The following INPP5A variants were observed in gnomAD, a reference collection of about 807,000 sequenced individuals.
INPP5A encodes the protein inositol polyphosphate-5-phosphatase A, also known as 43 kDa inositol polyphosphate 5-phophatase.
INPP5A carries 14 observed loss-of-function variants against 65.2 expected under a neutral mutation model. The observed-to-expected ratio is 0.21, with a 90% confidence interval of 0.14 to 0.34. The LOEUF (loss-of-function observed/expected upper bound fraction) is 0.34. Among genes scored for constraint, INPP5A ranks in the 10% least tolerant of loss-of-function variants. The pLI is 1.00. For missense variants in INPP5A, 431 were observed against 545.6 expected (o/e 0.79, Z 2.09); for synonymous variants, 207 against 208.3 (o/e 0.99, Z 0.05).
chr10:132,585,936 G>T (rs7068803), intron 1 of INPP5A, among the ~76,000 whole-genome samples: 8,016 of 152,326 alleles, frequency 0.053, 294 homozygotes, highest in South Asian at 0.13. Context: ...TGAGGGTGCT[G>T]TGTGTGTCTG....
intron 12 of INPP5A, among the ~76,000 whole-genome samples, chr10:132,766,187 TTGTG>T (rs1846841873): frequency 6.6e-6 from 1 of 152,238 alleles, no homozygotes; most frequent in Admixed American, 6.5e-5. Flanking sequence ...CATAGTGTTT[TTGTG>T]TGTGCACATG....
At chr10:132,584,609 C>G (rs1156827188) in intron 1 of INPP5A, among the ~76,000 whole-genome samples, 1 of 152,158 alleles carries the variant, frequency 6.6e-6, no homozygotes, top group Non-Finnish European at 1.5e-5. Flanking sequence ...GATAACCCCT[C>G]TTTGATTCCT....
At chr10:132,569,208 T>C (rs573846238) in intron 1 of INPP5A, among the ~76,000 whole-genome samples, 1 of 152,338 alleles carries the variant, frequency 6.6e-6, no homozygotes, top group South Asian at 2.1e-4. Flanking sequence ...GTTAAGTTCT[T>C]ATACTTTCTA....
intron 4 of INPP5A, among the ~76,000 whole-genome samples, chr10:132,671,191 T>G (rs1026010312): frequency 2.6e-5 from 4 of 152,200 alleles, no homozygotes; most frequent in Non-Finnish European, 5.9e-5. Context: ...CCCTTCTGAT[T>G]GGGACAGTGG....
intron 5 of INPP5A, among the ~76,000 whole-genome samples, chr10:132,693,136 C>A (rs1845295151): frequency 6.6e-6 from 1 of 152,060 alleles, no homozygotes; most frequent in Admixed American, 6.5e-5. Context: ...CAAACTATGG[C>A]AACCACTAAA....
chr10:132,658,968 A>C (rs1229999130), intron 4 of INPP5A, among the ~76,000 whole-genome samples: 1 of 152,126 alleles, frequency 6.6e-6, no homozygotes, highest in Non-Finnish European at 1.5e-5. Context: ...GGTGCTCAAC[A>C]GGCTGCCTGG....
At chr10:132,776,682 A>G (rs1162972987) in intron 12 of INPP5A, among the ~76,000 whole-genome samples, 1 of 152,162 alleles carries the variant, frequency 6.6e-6, no homozygotes, top group Non-Finnish European at 1.5e-5. Flanking sequence ...CTCCAAGTGG[A>G]ATTCGTTACC....
intron 9 of INPP5A, among the ~76,000 whole-genome samples, chr10:132,730,159 C>G (rs536908268): frequency 6.6e-6 from 1 of 152,386 alleles, no homozygotes; most frequent in South Asian, 2.1e-4. Flanking sequence ...GTCCAGCAGC[C>G]TGGGTCCACC....
At chr10:132,548,725 T>C (rs1374672318) in intron 1 of INPP5A, among the ~76,000 whole-genome samples, 3 of 152,146 alleles carry the variant, frequency 2.0e-5, no homozygotes, top group Admixed American at 1.3e-4. Flanking sequence ...CTGGTTTCTT[T>C]GACTTAGCAT....
Position 132,574,426 on chromosome 10 carries a change from G to C in INPP5A, c.76-33489G>C, listed in dbSNP as rs1362650362. ...GTGTGAGGTTTTGTTGAGATGTTGGGGTGTGTGTGCCGTGTGAGGTTTTGT... is the reference window on the plus strand; with the variant it reads ...GTGTGAGGTTTTGTTGAGATGTTGGCGTGTGTGTGCCGTGTGAGGTTTTGT... On this transcript the variant is annotated intron_variant, in intron 1 of 15. Coordinates refer to ENST00000368594, the MANE Select transcript of INPP5A (RefSeq NM_005539.5). Among the ~76,000 whole-genome samples the C allele has an allele frequency of 2.0e-5, 3 of 151,048 alleles. No homozygotes were observed. In the East Asian group the frequency reaches 5.9e-4, roughly 30 times the overall value.
intron 2 of INPP5A, among the ~76,000 whole-genome samples, chr10:132,636,141 A>G (rs1451092814): frequency 6.7e-6 from 1 of 149,230 alleles, no homozygotes. Flanking sequence ...ATTTCAAAAA[A>G]ATGCTTTATT....
rs2072272167 is a variant in INPP5A at position 132,631,457 on chromosome 10, CTG to C, written c.118-14408_118-14407del. 4.6e-5 allele frequency among the ~76,000 whole-genome samples: 7 copies of C among 152,378 alleles called. No individual in the cohort carries two copies. In the South Asian group the frequency reaches 1.4e-3, roughly 32 times the overall value. On this transcript the variant is annotated intron_variant, in intron 2 of 15. Transcript: ENST00000368594. ...TTTTCCAGGCGTCGTTGGCAAGTAA[CTG>C]TGGCCTTTTTCTATCAAGAAATTCC...
chr10:132,666,513 C>A (rs1229780473), intron 4 of INPP5A, among the ~76,000 whole-genome samples: 1 of 151,996 alleles, frequency 6.6e-6, no homozygotes. Context: ...CACAAAAAAA[C>A]CCCTGTCGGA....
intron 4 of INPP5A, among the ~76,000 whole-genome samples, chr10:132,687,381 C>T (rs1440335676): frequency 6.6e-6 from 1 of 152,230 alleles, no homozygotes; most frequent in Non-Finnish European, 1.5e-5. Context: ...CATGGCCACA[C>T]GCAGCCTTCT....
At chr10:132,646,657 G>A (rs1370822952) in intron 3 of INPP5A, among the ~76,000 whole-genome samples, 5 of 152,222 alleles carry the variant, frequency 3.3e-5, no homozygotes, top group Non-Finnish European at 7.3e-5. Context: ...CCATGTTGGG[G>A]GCTCGTCTCC....
In INPP5A at chr10:132,659,110, T is replaced by C. The variant is rs1174485746; in HGVS notation, c.306+8605T>C. ...AGATGCCTAGGTGGGTCCCCAGCTC[T>C]GCAGGTGCCACTCCCCACGCCAGTG... On this transcript the variant is annotated intron_variant, in intron 4 of 15. Transcript: ENST00000368594. This position sits in a 1 kb window ranked among gnomAD's most constrained non-coding sequence, Gnocchi z 5.5. Among the ~76,000 whole-genome samples, 1 of 152,160 alleles carries C rather than the reference T, an allele frequency of 6.6e-6. No individual in the cohort carries two copies. The highest frequency in any genetic ancestry group is 1.9e-4 in the East Asian group (1 of 5,188).
intron 1 of INPP5A, among the ~76,000 whole-genome samples, chr10:132,562,436 A>C (rs2071218568): frequency 6.6e-6 from 1 of 152,202 alleles, no homozygotes; most frequent in Non-Finnish European, 1.5e-5. Flanking sequence ...TCCCCCCATG[A>C]GGTGCGTAGA....
intron 1 of INPP5A, among the ~76,000 whole-genome samples, chr10:132,574,827 G>A (rs1221061968): frequency 6.6e-6 from 1 of 151,562 alleles, no homozygotes; most frequent in Non-Finnish European, 1.5e-5. Flanking sequence ...AGTAGCTGGG[G>A]GGTGTTTTTC....
intron 1 of INPP5A, among the ~76,000 whole-genome samples, chr10:132,583,935 C>T (rs2485634): frequency 0.25 from 37,429 of 152,054 alleles, 5,448 homozygotes; most frequent in East Asian, 0.49. Flanking sequence ...TTAAAAAAAT[C>T]AGCCAGTTGC....
Sources: allele counts gnomAD v4.1 joint callset (sites outside exome capture counted in the v4.1 genomes callset), GRCh38; gene constraint gnomAD v4.1.1; non-coding constraint Gnocchi (gnomAD v3.1); transcripts MANE v1.5; gene names NCBI Gene and HGNC (gene_info 2026-07-23, HGNC 2026-07-21).